The following SEMA6A variants were observed in gnomAD, a reference collection of about 807,000 sequenced individuals.
The protein encoded by SEMA6A is semaphorin-6A.
In SEMA6A, 25 loss-of-function variants were observed where a neutral mutation model predicts 96.8. The observed-to-expected ratio is 0.26, with a 90% confidence interval of 0.19 to 0.36. The LOEUF (loss-of-function observed/expected upper bound fraction) is 0.36, where lower values mean the gene tolerates loss of function less well. Ranked by LOEUF, SEMA6A falls within the 10% of genes least tolerant of loss-of-function variation. The pLI, the probability that SEMA6A is intolerant of heterozygous loss-of-function variation, is 1.00. For synonymous variants in SEMA6A, 612 were observed against 518.0 expected (o/e 1.18, Z -2.46); for missense variants, 1,363 against 1,323.1 (o/e 1.03, Z -0.47).
At chr5:116,566,686 C>G (rs1427599185) in intron 1 of SEMA6A, among the ~76,000 whole-genome samples, 7 of 152,220 alleles carry the variant, frequency 4.6e-5, no homozygotes, top group African/African-American at 1.7e-4. Flanking sequence ...TCAGATTTTT[C>G]TCACTGATAA....
chr5:116,503,636 T>A (rs969250498), intron 2 of SEMA6A, among the ~76,000 whole-genome samples: 1 of 151,818 alleles, frequency 6.6e-6, no homozygotes, highest in Non-Finnish European at 1.5e-5. Flanking sequence ...CTCAGCCTCC[T>A]GTAGCTGGAA....
At chr5:116,534,648 G>A (rs537872572) in intron 1 of SEMA6A, among the ~76,000 whole-genome samples, 2 of 152,250 alleles carry the variant, frequency 1.3e-5, no homozygotes, top group Admixed American at 6.5e-5. Flanking sequence ...AATGTACCCC[G>A]TTCTCTCCTT....
At chr5:116,559,007 C>A (rs1190419411) in intron 1 of SEMA6A, among the ~76,000 whole-genome samples, 2 of 151,982 alleles carry the variant, frequency 1.3e-5, no homozygotes, top group East Asian at 3.9e-4. Flanking sequence ...CCATATATGC[C>A]CCGATTTTTA....
intron 3 of SEMA6A, chr5:116,498,782 T>C (rs1266247819): frequency 1.3e-5 from 2 of 152,242 alleles, no homozygotes; most frequent in Non-Finnish European, 2.9e-5. Context: ...TGGAATGGAA[T>C]TGCCTATTAC....
intron 1 of SEMA6A, among the ~76,000 whole-genome samples, chr5:116,523,280 C>T (rs553690437): frequency 6.6e-6 from 1 of 152,152 alleles, no homozygotes; most frequent in South Asian, 2.1e-4. Context: ...TGCTTTTTCT[C>T]TTGGGGTTTA....
intron 1 of SEMA6A, among the ~76,000 whole-genome samples, chr5:116,521,654 C>T (rs529215485): frequency 2.2e-4 from 34 of 151,606 alleles, no homozygotes; most frequent in South Asian, 4.2e-4. Flanking sequence ...ATCCTTGAGC[C>T]AATCCATCTG....
At chr5:116,451,428 A>G (rs963451030) in intron 18 of SEMA6A, among the ~76,000 whole-genome samples, 9 of 152,200 alleles carry the variant, frequency 5.9e-5, no homozygotes, top group African/African-American at 2.2e-4. Flanking sequence ...AAAAGGTGAT[A>G]TGAGATTTCG....
At chr5:116,509,264 T>A (rs894266857) in intron 1 of SEMA6A, among the ~76,000 whole-genome samples, 1 of 152,188 alleles carries the variant, frequency 6.6e-6, no homozygotes, top group Non-Finnish European at 1.5e-5. Flanking sequence ...TTTTAACAAC[T>A]CCAAGTGTGG....
In SEMA6A at chr5:116,447,008, G is replaced by T; in HGVS notation, c.2698C>A (p.Leu900Ile). 1 of 1,613,910 alleles carries T rather than the reference G, an allele frequency of 6.2e-7. No homozygotes were observed. ...TGGTGCATTTCCAGCCGCTTGCTTAGACCGGTCTGAGACAGGGAGGCTCCC... is the reference window on the plus strand; with the variant it reads ...TGGTGCATTTCCAGCCGCTTGCTTATACCGGTCTGAGACAGGGAGGCTCCC... ...PPGASLSQTGLSKRLEMHHSS... is the reference protein window; with the variant it reads ...PPGASLSQTGISKRLEMHHSS... Residue 900 changes from leucine (L) to isoleucine (I), a missense_variant, in exon 19 of 19, where the codon CTA (leucine) becomes ATA (isoleucine). Leu to Ile is a conservative substitution (Grantham distance 5). This residue lies in a region of SEMA6A where 883 missense variants were observed against 763.6 expected (regional missense o/e 1.16). Transcript: ENST00000343348.
rs758414335 is a variant in SEMA6A, at chr5:116,496,307, T to A, written c.286A>T (p.Thr96Ser). The A allele has an allele frequency of 1.9e-6, 3 of 1,613,638 alleles. No individual in the cohort carries two copies. In the Admixed American group the frequency reaches 5.0e-5, roughly 27 times the overall value. The change falls in exon 5 of 19, where the codon ACA (threonine) becomes TCA (serine). Residue 96 changes from threonine to serine, a missense_variant. Physicochemically the swap from Thr to Ser is moderately conservative, Grantham distance 58. Transcript: ENST00000343348. Reference sequence around the variant, plus strand: ...ACATCGGCCTGTCTAGATTTCCATGTCAGTTTCTGCAGGGATCAAGAAAGA... The same window carrying A: ...ACATCGGCCTGTCTAGATTTCCATGACAGTTTCTGCAGGGATCAAGAAAGA... ...TEEIYCSKKL[T>S]WKSRQADVDT...
intron 1 of SEMA6A, among the ~76,000 whole-genome samples, chr5:116,561,133 C>T (rs1561537515): frequency 6.6e-6 from 1 of 152,144 alleles, no homozygotes; most frequent in Non-Finnish European, 1.5e-5. Flanking sequence ...AACCTGTTAT[C>T]TCATCTTTAA....
chr5:116,556,643 C>T (rs918006333), intron 1 of SEMA6A, among the ~76,000 whole-genome samples: 1 of 152,168 alleles, frequency 6.6e-6, no homozygotes, highest in South Asian at 2.1e-4. Context: ...AGAGCCCATA[C>T]TTTTAACTAC....
intron 3 of SEMA6A, among the ~76,000 whole-genome samples, chr5:116,500,143 C>G (rs1386499085): frequency 6.6e-6 from 1 of 152,172 alleles, no homozygotes; most frequent in Non-Finnish European, 1.5e-5. Context: ...GAGGTGACTA[C>G]TGAGCATCTT....
chr5:116,548,923 T>C (rs755343205), intron 1 of SEMA6A, among the ~76,000 whole-genome samples: 2 of 152,192 alleles, frequency 1.3e-5, no homozygotes, highest in Non-Finnish European at 2.9e-5. Flanking sequence ...GAAAGAAGTA[T>C]ACAACAAGTA....
chr5:116,493,309 C>T (rs1270490401), intron 6 of SEMA6A, among the ~76,000 whole-genome samples: 1 of 152,116 alleles, frequency 6.6e-6, no homozygotes, highest in Non-Finnish European at 1.5e-5. Context: ...GAGTCCTAAA[C>T]AATGACAAAC....
chr5:116,477,733 G>A, intron 15 of SEMA6A, 113 bp downstream of exon 15: 2 of 1,038,434 alleles, frequency 1.9e-6, no homozygotes, highest in East Asian at 2.4e-5. Context: ...TCCCGTTGCT[G>A]GAGTTTGCAC....
At chr5:116,448,464 T>C (rs1212762800) in intron 18 of SEMA6A, among the ~76,000 whole-genome samples, 1 of 152,184 alleles carries the variant, frequency 6.6e-6, no homozygotes, top group East Asian at 1.9e-4. Flanking sequence ...TTTCCTTCTT[T>C]ATGGCTTTTT....
rs752748427 is a variant in SEMA6A at position 116,447,129 on chromosome 5, G to C, written c.2577C>G (p.Leu859=). 3 of 1,613,870 alleles carry C rather than the reference G, an allele frequency of 1.9e-6. No individual in the cohort carries two copies. In the African/African-American group the frequency reaches 4.0e-5, roughly 22 times the overall value. The change falls in exon 19 of 19, where the codon CTC becomes CTG. Residue 859 remains leucine, a synonymous_variant. Transcript: ENST00000343348. The part of the protein sequence containing the change: ...TLEYKTIKEH[L]SSKSPNHGVN... ...CCCCATGGTTGGGACTCTTGCTGCTGAGATGTTCCTTGATGGTCTTATACT... is the reference window on the plus strand; with the variant it reads ...CCCCATGGTTGGGACTCTTGCTGCTCAGATGTTCCTTGATGGTCTTATACT...
At chr5:116,489,416 G>A (rs1580427173) in intron 7 of SEMA6A, among the ~76,000 whole-genome samples, 1 of 152,058 alleles carries the variant, frequency 6.6e-6, no homozygotes, top group Non-Finnish European at 1.5e-5. Context: ...TGCTGATTGT[G>A]TCCCCAGAAA....
Sources: gnomAD v4.1 joint callset for allele counts (sites outside exome capture counted in the v4.1 genomes callset) on GRCh38, gnomAD v4.1.1 for gene constraint, gnomAD v4.1.1 regional missense constraint, MANE v1.5 for transcripts, NCBI Gene and HGNC (gene_info 2026-07-23, HGNC 2026-07-21) for gene names.